CCSER1: variants seen among roughly 807,000 people sequenced by gnomAD.
The protein encoded by CCSER1 is coiled-coil serine rich protein 1.
CCSER1 carries 41 observed loss-of-function variants against 82.0 expected under a neutral mutation model. The observed-to-expected ratio is 0.50, with a 90% confidence interval of 0.39 to 0.65. The LOEUF (loss-of-function observed/expected upper bound fraction) is 0.65. CCSER1 is among the 30% of genes least tolerant of loss of function. CCSER1 has a pLI of 0.00. For synonymous variants in CCSER1, 414 were observed against 383.9 expected (o/e 1.08, Z -0.92); for missense variants, 1,119 against 1,064.2 (o/e 1.05, Z -0.72).
chr4:91,017,445 G>A (rs1209866778), intron 9 of CCSER1: 1 of 152,156 alleles, frequency 6.6e-6, no homozygotes, highest in Non-Finnish European at 1.5e-5. Flanking sequence ...GGGTACATGT[G>A]CAGGTTCGTT....
chr4:90,529,523 C>T (rs1033232495), intron 5 of CCSER1, among the ~76,000 whole-genome samples: 2 of 152,168 alleles, frequency 1.3e-5, no homozygotes, highest in Admixed American at 6.5e-5. Context: ...AGCCACCATG[C>T]CTGGCTTATA....
intron 9 of CCSER1, among the ~76,000 whole-genome samples, chr4:90,956,648 A>T (rs1341445770): frequency 1.3e-5 from 2 of 152,162 alleles, no homozygotes; most frequent in African/African-American, 4.8e-5. Context: ...GGAGAGAAAT[A>T]TGTAAATAAG....
chr4:91,035,836 A>G (rs1006955756), intron 9 of CCSER1, among the ~76,000 whole-genome samples: 3 of 152,154 alleles, frequency 2.0e-5, no homozygotes, highest in Non-Finnish European at 2.9e-5. Context: ...GCTGATTACA[A>G]CTCACTCCTA....
At chr4:90,706,133 T>A (rs1739298851) in intron 6 of CCSER1, among the ~76,000 whole-genome samples, 1 of 152,186 alleles carries the variant, frequency 6.6e-6, no homozygotes, top group African/African-American at 2.4e-5. Flanking sequence ...TATGTCTCAA[T>A]CTTAAACTTC....
chr4:91,400,723 A>T (rs536381605), intron 10 of CCSER1, among the ~76,000 whole-genome samples: 4 of 151,726 alleles, frequency 2.6e-5, no homozygotes, highest in African/African-American at 9.7e-5. Context: ...GCATCCCTAA[A>T]TATCTAGAAA....
intron 10 of CCSER1, among the ~76,000 whole-genome samples, chr4:91,148,100 C>T (rs9998701): frequency 0.11 from 17,016 of 152,162 alleles, 1,086 homozygotes; most frequent in East Asian, 0.23. Flanking sequence ...ATCAAAACGG[C>T]TCCTATAGTG....
At chr4:91,186,976 C>T (rs1156840152) in intron 10 of CCSER1, among the ~76,000 whole-genome samples, 6 of 152,170 alleles carry the variant, frequency 3.9e-5, no homozygotes, top group African/African-American at 9.7e-5. Flanking sequence ...TTGTTTATGG[C>T]CAGTTTTGGA....
chr4:91,291,898 T>C (rs1290660923), intron 10 of CCSER1, among the ~76,000 whole-genome samples: 1 of 152,070 alleles, frequency 6.6e-6, no homozygotes, highest in Non-Finnish European at 1.5e-5. Flanking sequence ...AGATAAATTA[T>C]TGAAAGATTA....
intron 10 of CCSER1, among the ~76,000 whole-genome samples, chr4:91,187,719 A>C (rs1005325219): frequency 1.3e-5 from 2 of 152,046 alleles, no homozygotes; most frequent in Non-Finnish European, 2.9e-5. Flanking sequence ...TGACCGGCTA[A>C]TTTTTGTGTT....
intron 1 of CCSER1, among the ~76,000 whole-genome samples, chr4:90,176,272 G>T (rs115764663): frequency 2.6e-4 from 40 of 152,072 alleles, no homozygotes; most frequent in African/African-American, 8.4e-4. Flanking sequence ...AGGAAAAAGA[G>T]TTATAAACGT....
intron 5 of CCSER1, among the ~76,000 whole-genome samples, chr4:90,515,951 A>G (rs1410419743): frequency 1.3e-5 from 2 of 152,186 alleles, no homozygotes; most frequent in Non-Finnish European, 2.9e-5. Context: ...TTTAGCAGGC[A>G]CCTACAGTGT....
At chr4:91,144,402 A>G (rs1270329239) in intron 10 of CCSER1, among the ~76,000 whole-genome samples, 1 of 151,770 alleles carries the variant, frequency 6.6e-6, no homozygotes, top group African/African-American at 2.4e-5. Context: ...TATTCTTTCA[A>G]AGAACCAATT....
At chr4:91,279,157 C>G (rs79701329) in intron 10 of CCSER1, among the ~76,000 whole-genome samples, 1 of 151,956 alleles carries the variant, frequency 6.6e-6, no homozygotes, top group African/African-American at 2.4e-5. Context: ...ATGGAATTGC[C>G]TTAGAAGTGA....
chr4:91,312,220 A>G (rs1560582900), intron 10 of CCSER1, among the ~76,000 whole-genome samples: 1 of 151,818 alleles, frequency 6.6e-6, no homozygotes, highest in African/African-American at 2.4e-5. Context: ...AAGAATGACT[A>G]GATTACAAGA....
At chr4:91,442,169 T>A (rs1245064600) in intron 10 of CCSER1, among the ~76,000 whole-genome samples, 1 of 151,006 alleles carries the variant, frequency 6.6e-6, no homozygotes, top group African/African-American at 2.4e-5. Context: ...GCCAAGTCAA[T>A]CCTAAGCCAA....
chr4:91,463,547 A>G (rs578239258), intron 10 of CCSER1, among the ~76,000 whole-genome samples: 1 of 152,282 alleles, frequency 6.6e-6, no homozygotes, highest in South Asian at 2.1e-4. Flanking sequence ...CAGACGATCA[A>G]ACTTCTCTGA....
intron 10 of CCSER1, among the ~76,000 whole-genome samples, chr4:91,307,029 T>C (rs1485951898): frequency 1.3e-5 from 2 of 151,972 alleles, no homozygotes; most frequent in African/African-American, 4.8e-5. Flanking sequence ...GGGCTAAAGA[T>C]TTTTCTTTAG....
intron 10 of CCSER1, among the ~76,000 whole-genome samples, chr4:91,398,755 C>T (rs1752145338): frequency 6.6e-6 from 1 of 151,622 alleles, no homozygotes. Context: ...ACAGTATATC[C>T]TTCATCAAGC....
intron 7 of CCSER1, among the ~76,000 whole-genome samples, chr4:90,786,728 G>A (rs1379305692): frequency 1.3e-5 from 2 of 152,150 alleles, no homozygotes; most frequent in East Asian, 1.9e-4. Context: ...GTGTCTGTAT[G>A]GTGGGAGGGT....
Sources: allele counts gnomAD v4.1 joint callset (sites outside exome capture counted in the v4.1 genomes callset), GRCh38; gene constraint gnomAD v4.1.1; transcripts MANE v1.5; gene names NCBI Gene and HGNC (gene_info 2026-07-23, HGNC 2026-07-21).